Variants in ZBTB48 observed in about 807,000 individuals in gnomAD.
The protein encoded by ZBTB48 is zinc finger and BTB domain containing 48.
Under a neutral mutation model 64.5 loss-of-function variants are expected in ZBTB48, and 35 were observed. The ratio of observed to expected loss-of-function variants is 0.54; its 90% CI spans 0.41 to 0.72. The LOEUF (loss-of-function observed/expected upper bound fraction) is 0.72. Ranked by LOEUF, ZBTB48 falls within the 30% of genes least tolerant of loss-of-function variation. The pLI is 0.00. For synonymous variants in ZBTB48, 442 were observed against 356.7 expected, an observed-to-expected ratio of 1.24 and a Z score of -2.70; for missense variants, 828 against 895.3, an observed-to-expected ratio of 0.92 and a Z score of 0.96.
chr1:6,585,891 C>A, intron 3 of ZBTB48, 28 bp from the exon 4 acceptor site: 1 of 1,609,736 alleles, frequency 6.2e-7, no homozygotes, highest in Non-Finnish European at 8.5e-7. Context: ...CCTCTCAGCC[C>A]CCCCACCCCT....
At chr1:6,586,168 A>G in intron 4 of ZBTB48, 138 bp downstream of exon 4, 6 of 812,850 alleles carry the variant, frequency 7.4e-6, no homozygotes. Flanking sequence ...CTTGGATGTC[A>G]TGAGGTCCAT....
intron 5 of ZBTB48, 131 bp from the exon 6 acceptor site, chr1:6,587,074 C>A (rs1462330094): frequency 1.9e-6 from 2 of 1,044,748 alleles, no homozygotes; most frequent in East Asian, 2.6e-5. Context: ...ATCCTTCACA[C>A]CAGATCAGGG....
At chr1:6,585,802 C>G (rs1346754082) in intron 3 of ZBTB48, 117 bp from the exon 4 acceptor site, 8 of 946,878 alleles carry the variant, frequency 8.4e-6, no homozygotes, top group Non-Finnish European at 1.2e-5. Context: ...GCACCTTAAC[C>G]AGCCGGTGTC....
chr1:6,588,007 AG>A (rs1489580268), intron 7 of ZBTB48, 52 bp from the exon 8 acceptor site: 110 of 1,607,884 alleles, frequency 6.8e-5, no homozygotes, highest in Non-Finnish European at 9.3e-5. Flanking sequence ...TAGCAGAGCA[AG>A]GGGGTCACTT....
At chr1:6,582,394 T>TG in intron 3 of ZBTB48, 95 bp downstream of exon 3, 1 of 1,497,022 alleles carries the variant, frequency 6.7e-7, no homozygotes, top group Non-Finnish European at 9.1e-7. Flanking sequence ...AGGTAGGGGC[T>TG]GGGGGATCCA....
chr1:6,581,028 G>C lies in ZBTB48; in HGVS notation c.419G>C (p.Ser140Thr). ...CCCCCTGCCTCCCAGAATGTGAACA[G>C]CCACGTCAAGGAGCCGGCAGGCTTG... ...LGPPASQNVN[S>T]HVKEPAGLEE... Residue 140 changes from serine to threonine, a missense_variant, in exon 2 of 11, where the codon AGC (serine) becomes ACC (threonine). Transcript: ENST00000377674. The C allele has an allele frequency of 1.9e-6, 3 of 1,613,418 alleles. No homozygotes were observed. Among genetic ancestry groups the C allele is most frequent in the Non-Finnish European group, 2.5e-6 (3 of 1,180,020 alleles).
At position 6,581,118 on chromosome 1, in the gene ZBTB48, A is replaced by C; in HGVS notation, c.509A>C (p.His170Pro). ...VPRDQEPRGS[H>P]SPQRPQLHSP... ...AGGGATCAGGAGCCCAGAGGCAGTC[A>C]TAGTCCTCAGAGGCCCCAGCTCCAT... is the stretch of plus-strand genomic sequence containing the variant. The change falls in exon 2 of 11, where the codon CAT (histidine) becomes CCT (proline). Residue 170 changes from histidine (H) to proline (P), a missense_variant. His to Pro is a moderately conservative substitution (Grantham distance 77). Transcript: ENST00000377674. The C allele has an allele frequency of 6.2e-7, 1 of 1,613,298 alleles. No individual in the cohort carries two copies. Among genetic ancestry groups the C allele is most frequent in the Non-Finnish European group, 8.5e-7 (1 of 1,179,964 alleles).
In ZBTB48 at chr1:6,581,183, A is replaced by G; in HGVS notation, c.574A>G (p.Lys192Glu). 6.2e-7 allele frequency: 1 copy of G among 1,613,464 alleles called. No homozygotes were observed. Among genetic ancestry groups the G allele is most frequent in the South Asian group, 1.1e-5 (1 of 91,082 alleles). Residue 192 changes from lysine (K) to glutamate (E), a missense_variant, in exon 2 of 11, where the codon AAA becomes GAA. Coordinates refer to ENST00000377674, the MANE Select transcript of ZBTB48 (RefSeq NM_005341.4). ...QSEGPSSLCG[K>E]LKQALKPCPL... is the part of the protein sequence containing the mutation. The stretch of plus-strand genomic sequence containing the variant: ...TGAGGGCCCCTCCTCCCTCTGTGGG[A>G]AACTGAAGCAGGCCTTGAAGCCTTG...
chr1:6,585,853 G>A, intron 3 of ZBTB48, 66 bp from the exon 4 acceptor site: 1 of 1,484,186 alleles, frequency 6.7e-7, no homozygotes, highest in Middle Eastern at 1.7e-4. Flanking sequence ...ACCCAGAGGG[G>A]GCCCTGGGTG....
In ZBTB48 at chr1:6,580,571, T is replaced by C; in HGVS notation, c.-39T>C. The C allele has an allele frequency of 6.3e-7, 1 of 1,581,590 alleles. No individual in the cohort carries two copies. Among genetic ancestry groups the C allele is most frequent in the Non-Finnish European group, 8.6e-7 (1 of 1,161,254 alleles). On this transcript the variant is annotated 5_prime_UTR_variant, in exon 2 of 11. Coordinates refer to ENST00000377674, the MANE Select transcript of ZBTB48 (RefSeq NM_005341.4). This position sits in a 1 kb window ranked among gnomAD's most constrained non-coding sequence, Gnocchi z 5.2. Reference sequence around the variant, plus strand: ...TTCTCTTGCATACCCTCGCTTAGGCTGGCCGGGGTGTCACTTCTGCCTCCC... The same window carrying C: ...TTCTCTTGCATACCCTCGCTTAGGCCGGCCGGGGTGTCACTTCTGCCTCCC...
chr1:6,581,569 T>C (rs1640465132), intron 2 of ZBTB48, among the ~76,000 whole-genome samples: 1 of 149,982 alleles, frequency 6.7e-6, no homozygotes, highest in Non-Finnish European at 1.5e-5. Flanking sequence ...GAGGGTGAGG[T>C]GGGAGGATCA....
Position 6,583,819 on chromosome 1 carries a change from G to A in ZBTB48, c.932+1520G>A, listed in dbSNP as rs554109630. On this transcript the variant is annotated intron_variant, in intron 3 of 10. Transcript: ENST00000377674. ...TTTGAGATGGAGTCTCCCCTCTGTC[G>A]CCCAGGCTGGAGTGTGGTGGCTCCG... Among the ~76,000 whole-genome samples the A allele has an allele frequency of 1.6e-4, 20 of 128,204 alleles. 1 individual carries two copies. The highest frequency in any genetic ancestry group is 5.1e-4 in the African/African-American group (17 of 33,464). 84.1% of individuals were successfully genotyped at this position (128,204 alleles called of 152,430 possible).
chr1:6,582,164 C>G lies in ZBTB48; in HGVS notation c.797C>G (p.Ala266Gly). 6.2e-7 allele frequency: 1 copy of G among 1,614,218 alleles called. No homozygotes were observed. Among genetic ancestry groups the G allele is most frequent in the South Asian group, 1.1e-5 (1 of 91,078 alleles). ...RKSNVIRKPC[A>G]AEPALSAGSL... is the part of the protein sequence containing the mutation. ...TCAAATGTAATCCGAAAGCCCTGTG[C>G]AGCTGAGCCAGCCCTGAGCGCGGGC... Residue 266 changes from alanine to glycine, a missense_variant, in exon 3 of 11, where the codon GCA becomes GGA. Coordinates refer to ENST00000377674, the MANE Select transcript of ZBTB48 (RefSeq NM_005341.4).
intron 4 of ZBTB48, 182 bp from the exon 5 acceptor site, chr1:6,586,513 T>TG: frequency 7.7e-7 from 1 of 1,299,790 alleles, no homozygotes; most frequent in Non-Finnish European, 1.0e-6. Context: ...TGGTGTGCGG[T>TG]GGGCTTGCAG....
rs200270956 is a variant in ZBTB48, at chr1:6,589,080, C to T, written c.1935C>T (p.Ser645=). Residue 645 remains serine (S), a synonymous_variant, in exon 11 of 11, where the codon TCC becomes TCT. Coordinates refer to ENST00000377674, the MANE Select transcript of ZBTB48 (RefSeq NM_005341.4). The part of the protein sequence containing the change: ...EVGSAEVIVE[S]LAQGGLASQL... ...GCTCGGCGGAGGTCATTGTGGAGTCCCTGGCCCAGGGCGGCCTGGCCTCCC... is the reference window on the plus strand; with the variant it reads ...GCTCGGCGGAGGTCATTGTGGAGTCTCTGGCCCAGGGCGGCCTGGCCTCCC... 3 of 1,608,120 alleles carry T rather than the reference C, an allele frequency of 1.9e-6. No homozygotes were observed. The highest frequency in any genetic ancestry group is 2.5e-6 in the Non-Finnish European group (3 of 1,177,916).
rs745365526 is a variant in ZBTB48 at position 6,580,785 on chromosome 1, C to T, written c.176C>T (p.Ser59Leu). The stretch of plus-strand genomic sequence containing the variant: ...TTCCAGAGCCTCTACGGGGATGGCT[C>T]AGGGGGCAGTGTCGTCCTCCCTGCT... Reference protein sequence around the residue: ...HFFQSLYGDGSGGSVVLPAGF... With the variant: ...HFFQSLYGDGLGGSVVLPAGF... Residue 59 changes from serine to leucine, a missense_variant, in exon 2 of 11, where the codon TCA (serine) becomes TTA (leucine). Physicochemically the swap from Ser to Leu is moderately radical, Grantham distance 145. Coordinates refer to ENST00000377674, the MANE Select transcript of ZBTB48 (RefSeq NM_005341.4). This position sits in a 1 kb window ranked among gnomAD's most constrained non-coding sequence, Gnocchi z 5.2. 1.9e-6 allele frequency: 3 copies of T among 1,614,122 alleles called. No individual in the cohort carries two copies. Among genetic ancestry groups the T allele is most frequent in the African/African-American group, 1.3e-5 (1 of 74,952 alleles).
chr1:6,585,892 C>T (rs1225573938), intron 3 of ZBTB48, 27 bp from the exon 4 acceptor site: 1 of 1,610,668 alleles, frequency 6.2e-7, no homozygotes. Context: ...CTCTCAGCCC[C>T]CCCACCCCTG....
Position 6,588,942 on chromosome 1 carries a change from C to A in ZBTB48, c.1797C>A (p.Ile599=). The A allele has an allele frequency of 1.2e-6, 2 of 1,611,402 alleles. No individual in the cohort carries two copies. The highest frequency in any genetic ancestry group is 1.7e-6 in the Non-Finnish European group (2 of 1,178,444). Residue 599 remains isoleucine, a synonymous_variant, in exon 11 of 11, where the codon ATC becomes ATA. Transcript: ENST00000377674. ...RQAHLRRHME[I]HDRVENYNPR... is the part of the protein sequence containing the mutation. Reference sequence around the variant, plus strand: ...CCCACCTGCGGAGGCACATGGAGATCCACGACCGGGTAGAGAACTACAACC... The same window carrying A: ...CCCACCTGCGGAGGCACATGGAGATACACGACCGGGTAGAGAACTACAACC...
intron 3 of ZBTB48, chr1:6,585,656 C>A (rs61159668): frequency 5.1e-5 from 24 of 473,580 alleles, no homozygotes; most frequent in Middle Eastern, 5.8e-4. Flanking sequence ...AGACAGAATG[C>A]GGTCAGCTGG....
Sources: allele counts gnomAD v4.1 joint callset (sites outside exome capture counted in the v4.1 genomes callset), GRCh38; gene constraint gnomAD v4.1.1; non-coding constraint Gnocchi (gnomAD v3.1); transcripts MANE v1.5; gene names NCBI Gene and HGNC (gene_info 2026-07-23, HGNC 2026-07-21).